CDH13: variants seen among roughly 807,000 people sequenced by gnomAD.
CDH13 encodes cadherin 13, also known as cadherin-13.
CDH13 carries 24 observed loss-of-function variants against 63.8 expected under a neutral mutation model. The observed-to-expected ratio is 0.38, with a 90% CI of 0.27 to 0.53. The LOEUF (loss-of-function observed/expected upper bound fraction) is 0.53, where lower values mean the gene tolerates loss of function less well. Among genes scored for constraint, CDH13 ranks in the 20% least tolerant of loss-of-function variants. The pLI is 0.85. For synonymous variants in CDH13, 503 were observed against 355.3 expected, an observed-to-expected ratio of 1.42 and a Z score of -4.67; for missense variants, 1,049 against 903.1, an observed-to-expected ratio of 1.16 and a Z score of -2.07.
chr16:83,270,069 G>T (rs2088755527), intron 5 of CDH13, among the ~76,000 whole-genome samples: 1 of 152,076 alleles, frequency 6.6e-6, no homozygotes, highest in African/African-American at 2.4e-5. Context: ...TTTCTCTTTG[G>T]AAATTAATTA....
chr16:83,178,560 A>G lies in CDH13; in HGVS notation c.484-38785A>G, dbSNP rs563309453. ...AATTTAATATTTGGATCAGTGGGCC[A>G]TTAAAATGCTGATTTGAAATTCAAT... is the stretch of plus-strand genomic sequence containing the variant. On this transcript the variant is annotated intron_variant, in intron 4 of 13. Coordinates refer to ENST00000567109, the MANE Select transcript of CDH13 (RefSeq NM_001257.5). Among the ~76,000 whole-genome samples the G allele has an allele frequency of 1.2e-4, 18 of 152,348 alleles. No individual in the cohort carries two copies. In the East Asian group the frequency reaches 3.3e-3, roughly 28 times the overall value.
intron 7 of CDH13, among the ~76,000 whole-genome samples, chr16:83,542,991 G>A (rs2075321582): frequency 6.6e-6 from 1 of 152,228 alleles, no homozygotes; most frequent in African/African-American, 2.4e-5. Flanking sequence ...AAGTGATACT[G>A]ATGCTGCTGG....
intron 6 of CDH13, among the ~76,000 whole-genome samples, chr16:83,365,345 G>A (rs1160269685): frequency 1.3e-5 from 2 of 152,232 alleles, no homozygotes; most frequent in Non-Finnish European, 2.9e-5. Context: ...GTGAGTAGAT[G>A]AGGCCCACCA....
intron 1 of CDH13, among the ~76,000 whole-genome samples, chr16:82,856,765 G>A (rs1298908887): frequency 6.6e-6 from 1 of 150,728 alleles, no homozygotes; most frequent in African/African-American, 2.4e-5. Context: ...TACCAATAGG[G>A]AATGAGGAAA....
rs74789010 is a variant in CDH13 at position 83,756,716 on chromosome 16, T to C, written c.1681+8466T>C. ...AGGTAAAGAGGCCATTTCATAATGA[T>C]GAAGGGAGGTATCAAAAAGAAGGAC... On this transcript the variant is annotated intron_variant, in intron 11 of 13. Transcript: ENST00000567109. Among the ~76,000 whole-genome samples, 507 of 152,266 alleles carry C rather than the reference T, an allele frequency of 3.3e-3. 3 individuals are homozygous for C. The highest frequency in any genetic ancestry group is 0.012 in the African/African-American group (491 of 41,546).
chr16:83,536,301 G>A (rs1345794729), intron 7 of CDH13, among the ~76,000 whole-genome samples: 1 of 152,228 alleles, frequency 6.6e-6, no homozygotes, highest in Admixed American at 6.5e-5. Flanking sequence ...CAAGGTAAGA[G>A]GGGGAAGACC....
chr16:83,020,700 C>G (rs1263262605), intron 2 of CDH13, among the ~76,000 whole-genome samples: 1 of 152,232 alleles, frequency 6.6e-6, no homozygotes, highest in Non-Finnish European at 1.5e-5. Flanking sequence ...TCCTCTCTCT[C>G]TTTCTCCTGG....
At chr16:83,722,571 G>C (rs1598584288) in intron 10 of CDH13, among the ~76,000 whole-genome samples, 1 of 152,210 alleles carries the variant, frequency 6.6e-6, no homozygotes, top group Non-Finnish European at 1.5e-5. Context: ...ACATTTGCCA[G>C]TGTTCCTCTG....
chr16:83,416,196 G>C (rs772637462), intron 6 of CDH13, among the ~76,000 whole-genome samples: 4 of 152,194 alleles, frequency 2.6e-5, no homozygotes. Context: ...AACTAAGACA[G>C]TGAAAGACAT....
intron 7 of CDH13, among the ~76,000 whole-genome samples, chr16:83,579,522 C>T (rs1905352408): frequency 6.6e-6 from 1 of 151,954 alleles, no homozygotes; most frequent in African/African-American, 2.4e-5. Context: ...CCAGATCTCA[C>T]AAGAACTCAC....
At chr16:83,614,408 G>A (rs1258990198) in intron 8 of CDH13, among the ~76,000 whole-genome samples, 1 of 152,200 alleles carries the variant, frequency 6.6e-6, no homozygotes, top group East Asian at 1.9e-4. Context: ...CCTTGTCTCT[G>A]CTGAAAGCTC....
At chr16:83,240,722 T>TC (rs1904354535) in intron 5 of CDH13, among the ~76,000 whole-genome samples, 4 of 77,664 alleles carry the variant, frequency 5.2e-5, no homozygotes, top group Non-Finnish European at 1.2e-4. Flanking sequence ...TTAATCTTTT[T>TC]TTTTTTTTTT....
intron 6 of CDH13, among the ~76,000 whole-genome samples, chr16:83,436,354 G>C (rs779410050): frequency 6.6e-6 from 1 of 151,964 alleles, no homozygotes; most frequent in African/African-American, 2.4e-5. Flanking sequence ...TTAAAAAAAC[G>C]TACTCTCTCT....
At chr16:83,319,809 G>A (rs1296847335) in intron 5 of CDH13, among the ~76,000 whole-genome samples, 1 of 152,158 alleles carries the variant, frequency 6.6e-6, no homozygotes, top group African/African-American at 2.4e-5. Flanking sequence ...GGCTCTAAGT[G>A]AATAATCAGG....
intron 4 of CDH13, among the ~76,000 whole-genome samples, chr16:83,133,733 A>C (rs1434687143): frequency 6.6e-6 from 1 of 152,166 alleles, no homozygotes; most frequent in African/African-American, 2.4e-5. Flanking sequence ...TCCTGGCCTC[A>C]AGTGATCCAC....
rs369232366 is a variant in CDH13 at position 83,274,426 on chromosome 16, C to G, written c.636+56929C>G. 3.1e-4 allele frequency among the ~76,000 whole-genome samples: 47 copies of G among 152,318 alleles called. No homozygotes were observed. In the South Asian group the frequency reaches 8.7e-3, roughly 28 times the overall value. ...ACCCTGAGTGATCCCTTGCCTCCCT[C>G]ACCTGCTAGAGACCCTCTGCCACAG... On this transcript the variant is annotated intron_variant, in intron 5 of 13. Coordinates refer to ENST00000567109, the MANE Select transcript of CDH13 (RefSeq NM_001257.5).
chr16:83,538,656 A>T (rs1046899608), intron 7 of CDH13, among the ~76,000 whole-genome samples: 1 of 152,218 alleles, frequency 6.6e-6, no homozygotes, highest in African/African-American at 2.4e-5. Context: ...GCTGACGATC[A>T]TTTTTATCAG....
At chr16:83,502,442 C>T (rs1035328761) in intron 7 of CDH13, among the ~76,000 whole-genome samples, 1 of 152,078 alleles carries the variant, frequency 6.6e-6, no homozygotes, top group South Asian at 2.1e-4. Context: ...GCTCTGCCCA[C>T]ACCTTGATTT....
intron 6 of CDH13, among the ~76,000 whole-genome samples, chr16:83,417,727 T>C (rs779157947): frequency 7.9e-5 from 12 of 152,206 alleles, no homozygotes; most frequent in Non-Finnish European, 1.2e-4. Flanking sequence ...GCTGTAGAGA[T>C]AGAATTCAAG....
Sources: gnomAD v4.1 joint callset for allele counts (sites outside exome capture counted in the v4.1 genomes callset) on GRCh38, gnomAD v4.1.1 for gene constraint, MANE v1.5 for transcripts, NCBI Gene and HGNC (gene_info 2026-07-23, HGNC 2026-07-21) for gene names.